The following DYSF variants were observed in gnomAD, a reference collection of about 807,000 sequenced individuals.
DYSF encodes dystrophy-associated fer-1-like 1.
A neutral mutation model predicts 274.9 loss-of-function variants in DYSF; 212 were observed. The ratio of observed to expected loss-of-function variants is 0.77; its 90% CI spans 0.69 to 0.86. The LOEUF is 0.86. DYSF is among the 40% of genes least tolerant of loss of function. The pLI is 0.00. For synonymous variants in DYSF, 1,091 were observed against 1,078.7 expected, an observed-to-expected ratio of 1.01 and a Z score of -0.22; for missense variants, 2,666 against 2,783.2, an observed-to-expected ratio of 0.96 and a Z score of 0.95.
At chr2:71,594,022 A>G (rs2093343347) in intron 32 of DYSF, among the ~76,000 whole-genome samples, 1 of 150,622 alleles carries the variant, frequency 6.6e-6, no homozygotes, top group Non-Finnish European at 1.5e-5. Flanking sequence ...CTGGCCTTAC[A>G]GCTCCAGGTA....
Position 71,475,032 on chromosome 2 carries a change from C to A in DYSF, c.92-5851C>A, listed in dbSNP as rs116726123. Among the ~76,000 whole-genome samples, 816 of 152,278 alleles carry A rather than the reference C, an allele frequency of 5.4e-3. 11 individuals are homozygous for A. Among genetic ancestry groups the A allele is most frequent in the African/African-American group, 0.019 (774 of 41,564 alleles). On this transcript the variant is annotated intron_variant, in intron 1 of 55. Coordinates refer to ENST00000410020, the MANE Select transcript of DYSF (RefSeq NM_001130987.2). ...TTATGATCCACTGATTGCTGAGGAG[C>A]AAGGCCTAGAGGTTATGAGTCCTCC...
chr2:71,668,780 AT>A lies in DYSF; in HGVS notation c.5487del (p.Pro1830ArgfsTer33). ...QGKLQMWVDL[F>X]PKALGRPGPP... ...GGAAGCTGCAGATGTGGGTCGACCTATTTCCGAAGGCCCTGGGGCGGCCTGG... is the reference window on the plus strand; with the variant it reads ...GGAAGCTGCAGATGTGGGTCGACCTATTCCGAAGGCCCTGGGGCGGCCTGG... On this transcript the variant is annotated frameshift_variant, in exon 49 of 56. Transcript: ENST00000410020. LOFTEE classifies it high-confidence loss of function. The A allele has an allele frequency of 6.2e-7, 1 of 1,613,860 alleles. No homozygotes were observed. Among genetic ancestry groups the A allele is most frequent in the East Asian group, 2.2e-5 (1 of 44,858 alleles).
intron 1 of DYSF, among the ~76,000 whole-genome samples, chr2:71,470,906 C>T (rs1015965897): frequency 1.3e-5 from 2 of 151,534 alleles, no homozygotes; most frequent in South Asian, 4.2e-4. Context: ...ATTCTCCTGC[C>T]TCAGCCTCCC....
rs786205525 is a variant in DYSF, at chr2:71,513,889, A to G, written c.727A>G (p.Lys243Glu). 1 of 1,614,152 alleles carries G rather than the reference A, an allele frequency of 6.2e-7. No homozygotes were observed. Residue 243 changes from lysine to glutamate, a missense_variant, in exon 7 of 56, where the codon AAG becomes GAG. Coordinates refer to ENST00000410020, the MANE Select transcript of DYSF (RefSeq NM_001130987.2). Reference sequence around the variant, plus strand: ...AAAGCGAAGTGCGCCTACATCTAGAAAGCTGCTGTCAGACAAACCGCAGGA... The same window carrying G: ...AAAGCGAAGTGCGCCTACATCTAGAGAGCTGCTGTCAGACAAACCGCAGGA... ...KRKRSAPTSR[K>E]LLSDKPQDFQ... is the part of the protein sequence containing the mutation.
chr2:71,486,092 C>T (rs2083336507), intron 3 of DYSF, among the ~76,000 whole-genome samples: 2 of 152,186 alleles, frequency 1.3e-5, no homozygotes, highest in Admixed American at 1.3e-4. Flanking sequence ...CAACTGTCCT[C>T]AGGCCTCTCC....
At chr2:71,548,861 C>G (rs980890812) in intron 17 of DYSF, among the ~76,000 whole-genome samples, 2 of 152,122 alleles carry the variant, frequency 1.3e-5, no homozygotes, top group Non-Finnish European at 2.9e-5. Context: ...TGTCCCTGCT[C>G]GGCGCGCCTG....
At position 71,664,361 on chromosome 2, in the gene DYSF, T is replaced by A. The variant is rs779293276; in HGVS notation, c.5097T>A (p.Gly1699=). 3.1e-6 allele frequency: 5 copies of A among 1,614,024 alleles called. No homozygotes were observed. The highest frequency in any genetic ancestry group is 4.2e-6 in the Non-Finnish European group (5 of 1,179,978). Residue 1699 remains glycine (G), a synonymous_variant, in exon 46 of 56, where the codon GGT becomes GGA. Coordinates refer to ENST00000410020, the MANE Select transcript of DYSF (RefSeq NM_001130987.2). ...YDLLSKDEKI[G]ETVVDLENRL... Reference sequence around the variant, plus strand: ...TCCTCTCCAAGGACGAAAAGATCGGTGAGACGGTCGTCGACCTGGAGAACA... The same window carrying A: ...TCCTCTCCAAGGACGAAAAGATCGGAGAGACGGTCGTCGACCTGGAGAACA...
intron 47 of DYSF, among the ~76,000 whole-genome samples, chr2:71,667,128 C>A (rs540106007): frequency 1.3e-5 from 2 of 152,280 alleles, no homozygotes; most frequent in South Asian, 4.1e-4. Flanking sequence ...AACTATAGAA[C>A]AGGCTTGGTA....
intron 17 of DYSF, among the ~76,000 whole-genome samples, chr2:71,544,006 C>T (rs1475035474): frequency 2.0e-5 from 3 of 151,642 alleles, no homozygotes; most frequent in Non-Finnish European, 4.4e-5. Context: ...TCTTTTTTCC[C>T]TGTCACTCCT....
At chr2:71,467,283 C>T (rs766545557) in intron 1 of DYSF, among the ~76,000 whole-genome samples, 1 of 152,164 alleles carries the variant, frequency 6.6e-6, no homozygotes, top group Non-Finnish European at 1.5e-5. Context: ...AGAGAGGAAT[C>T]AGGGCCTCTG....
chr2:71,667,560 A>C (rs1206616375), intron 48 of DYSF, 45 bp downstream of exon 48: 1 of 1,612,484 alleles, frequency 6.2e-7, no homozygotes, highest in South Asian at 1.1e-5. Flanking sequence ...AACTCCAGAA[A>C]GCCCCAACCC....
At chr2:71,477,704 A>G (rs751374596) in intron 1 of DYSF, among the ~76,000 whole-genome samples, 8 of 152,252 alleles carry the variant, frequency 5.3e-5, no homozygotes, top group Non-Finnish European at 1.0e-4. Flanking sequence ...TCAAACTGCA[A>G]GATAGAACAA....
chr2:71,561,945 G>T lies in DYSF; in HGVS notation c.2409+1G>T. The T allele has an allele frequency of 6.2e-7, 1 of 1,613,350 alleles. No individual in the cohort carries two copies. The highest frequency in any genetic ancestry group is 8.5e-7 in the Non-Finnish European group (1 of 1,179,774). ...GCGTCTGCGTGCCCTGGCAGAGGAG[G>T]TAATTAAGCCTGGGGGTGCCTTTCT... On this transcript the variant is annotated splice_donor_variant, in intron 23 of 55. Coordinates refer to ENST00000410020, the MANE Select transcript of DYSF (RefSeq NM_001130987.2). LOFTEE classifies it high-confidence loss of function.
intron 17 of DYSF, among the ~76,000 whole-genome samples, chr2:71,544,450 A>T (rs1251367594): frequency 7.1e-6 from 1 of 140,104 alleles, no homozygotes; most frequent in Non-Finnish European, 1.5e-5. Context: ...TACCATTTTT[A>T]AAAATGTTCT....
At chr2:71,640,740 CGTGTGTGTGT>C (rs70963107) in intron 41 of DYSF, among the ~76,000 whole-genome samples, 2,104 of 148,366 alleles carry the variant, frequency 0.014, 16 homozygotes, top group Non-Finnish European at 0.022. Context: ...GAGATTAATC[CGTGTGTGTGT>C]GTGTGTGTGT....
In DYSF at chr2:71,520,810, G is replaced by A; in HGVS notation, c.1055G>A (p.Trp352Ter). 1 of 1,614,030 alleles carries A rather than the reference G, an allele frequency of 6.2e-7. No individual in the cohort carries two copies. Among genetic ancestry groups the A allele is most frequent in the Non-Finnish European group, 8.5e-7 (1 of 1,179,994 alleles). ...REPRHAYLRKWLLLSDPDDFS... is the reference protein window; with the variant it reads ...REPRHAYLRK ...TTAGGGCACGCCTATCTCAGGAAGT[G>A]GCTGCTGCTCTCAGACCCTGATGAC... Residue 352 changes from tryptophan (W) to a stop codon, truncating the protein, a stop_gained, in exon 12 of 56, where the codon TGG (tryptophan) becomes TAG (stop). Coordinates refer to ENST00000410020, the MANE Select transcript of DYSF (RefSeq NM_001130987.2). LOFTEE classifies it high-confidence loss of function.
chr2:71,565,053 G>A (rs2091998974), intron 24 of DYSF, among the ~76,000 whole-genome samples: 1 of 151,992 alleles, frequency 6.6e-6, no homozygotes, highest in South Asian at 2.1e-4. Flanking sequence ...TGCTTGGGGA[G>A]GAGTGGCCCT....
intron 1 of DYSF, among the ~76,000 whole-genome samples, chr2:71,457,929 A>G (rs1351641115): frequency 6.6e-6 from 1 of 152,158 alleles, no homozygotes; most frequent in Non-Finnish European, 1.5e-5. Context: ...TAGCCAGTCT[A>G]GGAGAAAGTG....
Position 71,682,530 on chromosome 2 carries a change from G to A in DYSF, c.6174G>A (p.Arg2058=), listed in dbSNP as rs143762717. The stretch of plus-strand genomic sequence containing the variant: ...TTGACCTCCGGGATCTCGCTTCCAG[G>A]CGCCCCGACACCTCCTTCCTGTGGT... ...PNMNPKLEDP[R]RPDTSFLWFT... The change falls in exon 55 of 56, where the codon AGG becomes AGA. Residue 2058 remains arginine, a splice_region_variant and synonymous_variant. Transcript: ENST00000410020. 1,435 of 1,614,068 alleles carry A rather than the reference G, an allele frequency of 8.9e-4. 1 individual carries two copies. Among genetic ancestry groups the A allele is most frequent in the Non-Finnish European group, 1.1e-3 (1,306 of 1,180,014 alleles).
Sources: allele counts gnomAD v4.1 joint callset (sites outside exome capture counted in the v4.1 genomes callset), GRCh38; gene constraint gnomAD v4.1.1; transcripts MANE v1.5; gene names NCBI Gene and HGNC (gene_info 2026-07-23, HGNC 2026-07-21).